Variants in RFC3 observed in about 807,000 individuals in gnomAD.
RFC3 encodes A1 38 kDa subunit.
A neutral mutation model predicts 45.1 loss-of-function variants in RFC3; 41 were observed. The observed-to-expected ratio is 0.91, with a 90% CI of 0.71 to 1.18. The LOEUF is 1.18. RFC3 is among the 50% of genes most tolerant of loss of function. The probability of loss-of-function intolerance (pLI) is 0.00; values close to 1 mark genes in which losing one functional copy is unlikely to be tolerated. For missense variants in RFC3, 423 were observed against 428.1 expected (o/e 0.99, Z 0.10); for synonymous variants, 149 against 144.0 (o/e 1.03, Z -0.25).
intron 8 of RFC3, among the ~76,000 whole-genome samples, chr13:33,876,091 G>A (rs1196876937): frequency 1.3e-5 from 2 of 152,160 alleles, no homozygotes; most frequent in African/African-American, 4.8e-5. Context: ...TGTATCCAAA[G>A]ATTCTTGAAG....
chr13:33,834,298 G>GTATATATATATATATA lies in RFC3; in HGVS notation c.810-832_810-817dup, dbSNP rs58858615. ...GAAGTATGGAACATCTGTACTGTGT[G>GTATATATATATATATA]TATATATATATATATATATATATAT... On this transcript the variant is annotated intron_variant, in intron 7 of 8. Coordinates refer to ENST00000380071, the MANE Select transcript of RFC3 (RefSeq NM_002915.4). Among the ~76,000 whole-genome samples, 124 of 109,148 alleles carry GTATATATATATATATA rather than the reference G, an allele frequency of 1.1e-3. 1 individual carries two copies. Among genetic ancestry groups the GTATATATATATATATA allele is most frequent in the African/African-American group, 5.0e-3 (120 of 24,154 alleles). The allele number at this position is 109,148 out of a possible 152,430, so 71.6% of individuals were successfully genotyped here. A position where few individuals can be genotyped will look rare whatever the true frequency, so the allele number is the denominator to read the frequency against.
intron 4 of RFC3, among the ~76,000 whole-genome samples, chr13:33,826,807 T>G (rs1331831893): frequency 6.6e-6 from 1 of 152,192 alleles, no homozygotes; most frequent in Non-Finnish European, 1.5e-5. Context: ...CCAATTTTTA[T>G]GGCTCTAAAT....
At chr13:33,854,979 A>C (rs976678448) in intron 8 of RFC3, among the ~76,000 whole-genome samples, 1 of 152,012 alleles carries the variant, frequency 6.6e-6, no homozygotes, top group Non-Finnish European at 1.5e-5. Flanking sequence ...TCTAATCATG[A>C]CGGAAACAAA....
chr13:33,915,003 A>G (rs998052909), intron 8 of RFC3, among the ~76,000 whole-genome samples: 3 of 152,164 alleles, frequency 2.0e-5, no homozygotes, highest in African/African-American at 7.2e-5. Context: ...ACCACAAAGA[A>G]TTGTTCTGTA....
intron 8 of RFC3, among the ~76,000 whole-genome samples, chr13:33,888,401 C>T (rs963674905): frequency 6.6e-6 from 1 of 152,212 alleles, no homozygotes; most frequent in Admixed American, 6.5e-5. Context: ...TAGTTAACCA[C>T]AGTTTCCTGT....
chr13:33,836,040 A>G, intron 8 of RFC3, 64 bp from the exon 9 acceptor site: 5 of 1,472,142 alleles, frequency 3.4e-6, no homozygotes, highest in African/African-American at 1.4e-5. Flanking sequence ...TGTGAATGGG[A>G]GAAATAAGGC....
intron 8 of RFC3, among the ~76,000 whole-genome samples, chr13:33,882,902 T>C (rs2082494809): frequency 6.6e-6 from 1 of 152,216 alleles, no homozygotes; most frequent in Non-Finnish European, 1.5e-5. Context: ...ACTTACCACC[T>C]TGCCTTTGAG....
intron 8 of RFC3, among the ~76,000 whole-genome samples, chr13:33,917,907 G>T (rs1363562702): frequency 6.6e-6 from 1 of 151,938 alleles, no homozygotes; most frequent in Non-Finnish European, 1.5e-5. Flanking sequence ...AGCCAGTAAG[G>T]GGGTGTCAGA....
chr13:33,854,438 A>G (rs1279621491), intron 8 of RFC3, among the ~76,000 whole-genome samples: 1 of 152,242 alleles, frequency 6.6e-6, no homozygotes, highest in Non-Finnish European at 1.5e-5. Context: ...GGGGACTAGC[A>G]CAGGGAAATT....
intron 1 of RFC3, among the ~76,000 whole-genome samples, chr13:33,820,438 T>TA (rs2081991021): frequency 6.6e-6 from 1 of 152,232 alleles, no homozygotes. Flanking sequence ...ATACGGCAGC[T>TA]TCCCCACCCT....
intron 8 of RFC3, among the ~76,000 whole-genome samples, chr13:33,900,860 TAATC>T (rs2082636649): frequency 2.0e-5 from 3 of 149,394 alleles, no homozygotes; most frequent in Admixed American, 2.0e-4. Flanking sequence ...ATAAATATAA[TAATC>T]CAATTGAAAA....
chr13:33,822,635 C>G (rs555180488), intron 2 of RFC3, among the ~76,000 whole-genome samples: 10 of 152,290 alleles, frequency 6.6e-5, no homozygotes, highest in African/African-American at 2.4e-4. Flanking sequence ...GATAAGCCAG[C>G]AGTGTGTCAT....
intron 8 of RFC3, among the ~76,000 whole-genome samples, chr13:33,918,278 T>C (rs1401844896): frequency 1.3e-5 from 2 of 152,138 alleles, no homozygotes; most frequent in East Asian, 3.9e-4. Flanking sequence ...AGTTATTGGA[T>C]TGGAGAATTA....
intron 8 of RFC3, among the ~76,000 whole-genome samples, chr13:33,949,842 A>G (rs1241328395): frequency 6.6e-6 from 1 of 152,176 alleles, no homozygotes; most frequent in Non-Finnish European, 1.5e-5. Flanking sequence ...TTTCCAGGTA[A>G]GAGAGAATTT....
intron 8 of RFC3, chr13:33,849,617 T>G (rs1291694540): frequency 6.6e-6 from 1 of 152,050 alleles, no homozygotes; most frequent in African/African-American, 2.4e-5. Flanking sequence ...GCTCAGTGGC[T>G]CATGCCTGTA....
chr13:33,907,200 G>A (rs1223650719), intron 8 of RFC3, among the ~76,000 whole-genome samples: 1 of 152,092 alleles, frequency 6.6e-6, no homozygotes, highest in South Asian at 2.1e-4. Context: ...AATCATTTGT[G>A]GGGTAGAGAC....
chr13:33,897,574 A>G (rs2082608885), intron 8 of RFC3, among the ~76,000 whole-genome samples: 1 of 152,008 alleles, frequency 6.6e-6, no homozygotes, highest in Non-Finnish European at 1.5e-5. Context: ...ACTTATCAAT[A>G]TTAACACTTA....
At chr13:33,859,789 T>C (rs1453336496) in intron 8 of RFC3, among the ~76,000 whole-genome samples, 1 of 152,186 alleles carries the variant, frequency 6.6e-6, no homozygotes, top group Admixed American at 6.6e-5. Flanking sequence ...ATGGACTGAA[T>C]TTTGTCCTCA....
chr13:33,948,823 C>T (rs2082970638), intron 8 of RFC3, among the ~76,000 whole-genome samples: 1 of 152,162 alleles, frequency 6.6e-6, no homozygotes, highest in Non-Finnish European at 1.5e-5. Flanking sequence ...GTCAATTTCT[C>T]CCATTTGGAA....
Sources: allele counts gnomAD v4.1 joint callset (sites outside exome capture counted in the v4.1 genomes callset), GRCh38; gene constraint gnomAD v4.1.1; transcripts MANE v1.5; gene names NCBI Gene and HGNC (gene_info 2026-07-23, HGNC 2026-07-21).